STX7: variants seen among roughly 807,000 people sequenced by gnomAD.
STX7 encodes the protein syntaxin 7.
A neutral mutation model predicts 39.6 loss-of-function variants in STX7; 34 were observed. The observed-to-expected ratio is 0.86, with a 90% CI of 0.65 to 1.14. STX7 has a LOEUF of 1.14. Ranked by LOEUF, STX7 falls within the 50% of genes most tolerant of loss-of-function variation. The pLI, the probability that STX7 is intolerant of heterozygous loss-of-function variation, is 0.00. For synonymous variants in STX7, 119 were observed against 99.1 expected (o/e 1.20, Z -1.19); for missense variants, 284 against 310.4 (o/e 0.92, Z 0.64).
chr6:132,470,051 A>G lies in STX7; in HGVS notation c.441-4T>C. The G allele has an allele frequency of 6.3e-7, 1 of 1,576,022 alleles. No individual in the cohort carries two copies. The highest frequency in any genetic ancestry group is 8.6e-7 in the Non-Finnish European group (1 of 1,168,688). On this transcript the variant is annotated splice_polypyrimidine_tract_variant and splice_region_variant and intron_variant, in intron 6 of 9. Transcript: ENST00000367941. ...CTGCACTTGAGGTTGAGTTTGGCTA[A>G]CAGAAAAAAATGAATGTGGAAAAAA...
rs1774999877 is a variant in STX7 at position 132,480,883 on chromosome 6, T to C, written c.86-5221A>G. ...TCTTTTTCTTGCTCTGCAATGTATA[T>C]ATTTAGATATATTAACTGTTCGTCT... On this transcript the variant is annotated intron_variant, in intron 2 of 9. Coordinates refer to ENST00000367941, the MANE Select transcript of STX7 (RefSeq NM_003569.3). Among the ~76,000 whole-genome samples, 3 of 152,216 alleles carry C rather than the reference T, an allele frequency of 2.0e-5. No homozygotes were observed. The South Asian group carries it at 6.2e-4, about 32-fold the overall frequency.
At chr6:132,481,553 C>T (rs1775015825) in intron 2 of STX7, among the ~76,000 whole-genome samples, 1 of 135,756 alleles carries the variant, frequency 7.4e-6, no homozygotes, top group South Asian at 2.2e-4. Context: ...TGGCTAACAA[C>T]CTCCTTGTCA....
chr6:132,470,747 A>ATGTG (rs140681581), intron 5 of STX7, 121 bp from the exon 6 acceptor site: 6 of 583,060 alleles, frequency 1.0e-5, no homozygotes, highest in African/African-American at 9.6e-5. Context: ...GTCTGTGTGT[A>ATGTG]TGTGTGTGTG....
At chr6:132,472,577 C>T (rs1166240828) in intron 3 of STX7, among the ~76,000 whole-genome samples, 1 of 152,190 alleles carries the variant, frequency 6.6e-6, no homozygotes, top group African/African-American at 2.4e-5. Flanking sequence ...AGGTTCTTCA[C>T]TCACACAGGG....
chr6:132,461,270 C>T (rs752408643), intron 9 of STX7, among the ~76,000 whole-genome samples: 19 of 151,844 alleles, frequency 1.3e-4, no homozygotes, highest in Non-Finnish European at 2.2e-4. Flanking sequence ...CTGAAGATAT[C>T]AGTAAGTACA....
At chr6:132,493,002 T>C (rs1382918795) in intron 2 of STX7, among the ~76,000 whole-genome samples, 1 of 152,110 alleles carries the variant, frequency 6.6e-6, no homozygotes, top group African/African-American at 2.4e-5. Context: ...CTGTTGAAGG[T>C]TTCCATGCTC....
At chr6:132,497,683 C>A (rs1249551283) in intron 2 of STX7, among the ~76,000 whole-genome samples, 2 of 152,102 alleles carry the variant, frequency 1.3e-5, no homozygotes, top group African/African-American at 4.8e-5. Context: ...TGTGTTTGGG[C>A]AAGGATGAAT....
rs145451057 is a variant in STX7 at position 132,471,661 on chromosome 6, G to A, written c.250-61C>T. 7.4e-3 allele frequency: 11,701 copies of A among 1,585,730 alleles called. 101 individuals carry two copies. The highest frequency in any genetic ancestry group is 7.3e-3 in the Non-Finnish European group (8,521 of 1,167,196). On this transcript the variant is annotated intron_variant, in intron 4 of 9. Coordinates refer to ENST00000367941, the MANE Select transcript of STX7 (RefSeq NM_003569.3). ...AGCTGTGAAGTTCAACTGAATTTGC[G>A]GTAGTTGGCTCTTTATTTAACCCTG...
intron 1 of STX7, among the ~76,000 whole-genome samples, chr6:132,507,937 C>T (rs570860300): frequency 6.6e-6 from 1 of 152,306 alleles, no homozygotes; most frequent in South Asian, 2.1e-4. Context: ...GGCTTTCTCT[C>T]GTGTCTACAT....
Position 132,470,637 on chromosome 6 carries a change from T to C in STX7, c.388-11A>G. ...CTCAGGAAAACTGCCCTGAATAATT[T>C]AGTAACAGGATGGAATGAGAAGGGG... On this transcript the variant is annotated splice_polypyrimidine_tract_variant and intron_variant, in intron 5 of 9. Transcript: ENST00000367941. The C allele has an allele frequency of 6.2e-7, 1 of 1,604,622 alleles. No individual in the cohort carries two copies.
At chr6:132,483,052 C>A (rs1310209313) in intron 2 of STX7, among the ~76,000 whole-genome samples, 1 of 151,990 alleles carries the variant, frequency 6.6e-6, no homozygotes, top group Non-Finnish European at 1.5e-5. Context: ...TCTTTGTCCT[C>A]AGTTATTAAA....
chr6:132,501,598 A>C (rs1361572645), intron 2 of STX7, among the ~76,000 whole-genome samples: 1 of 151,962 alleles, frequency 6.6e-6, no homozygotes, highest in Non-Finnish European at 1.5e-5. Context: ...CACAATCTTC[A>C]ATCCATGTAT....
intron 4 of STX7, among the ~76,000 whole-genome samples, chr6:132,471,927 A>G (rs888927791): frequency 6.6e-6 from 1 of 152,212 alleles, no homozygotes; most frequent in Non-Finnish European, 1.5e-5. Context: ...CCATTAAATA[A>G]GCAGGGAAAT....
intron 2 of STX7, among the ~76,000 whole-genome samples, chr6:132,491,088 G>C (rs1336223764): frequency 6.6e-6 from 1 of 151,150 alleles, no homozygotes; most frequent in South Asian, 2.1e-4. Context: ...GGAATCTCCT[G>C]CCAGGAAAAT....
chr6:132,484,898 C>A (rs547068257), intron 2 of STX7, among the ~76,000 whole-genome samples: 1 of 152,120 alleles, frequency 6.6e-6, no homozygotes, highest in Non-Finnish European at 1.5e-5. Flanking sequence ...AAACTTTAAC[C>A]GAGAACAATA....
intron 2 of STX7, among the ~76,000 whole-genome samples, chr6:132,489,379 AC>A (rs1213808267): frequency 2.0e-5 from 3 of 152,262 alleles, no homozygotes; most frequent in Middle Eastern, 6.8e-3. Context: ...CATTAGAAAT[AC>A]CCATGTCTAT....
chr6:132,499,675 C>G (rs1191781040), intron 2 of STX7, among the ~76,000 whole-genome samples: 1 of 152,032 alleles, frequency 6.6e-6, no homozygotes, highest in Non-Finnish European at 1.5e-5. Flanking sequence ...TTCATGCTAC[C>G]TTCCTGATTT....
chr6:132,509,807 T>C (rs1014910272), intron 1 of STX7, among the ~76,000 whole-genome samples: 3 of 152,182 alleles, frequency 2.0e-5, no homozygotes, highest in Non-Finnish European at 4.4e-5. Flanking sequence ...GATAGGTAAC[T>C]ACAAATTGAT....
rs752794991 is a variant in STX7 at position 132,503,521 on chromosome 6, T to C, written c.10A>G (p.Thr4Ala). Reference sequence around the variant, plus strand: ...GCGGGGTCACCACCAACTCCTGGAGTGTAAGACATGGTTGATGTTCTTATT... The same window carrying C: ...GCGGGGTCACCACCAACTCCTGGAGCGTAAGACATGGTTGATGTTCTTATT... MSY[T>A]PGVGGDPAQL... is the part of the protein sequence containing the mutation. The change falls in exon 2 of 10, where the codon ACT becomes GCT. Residue 4 changes from threonine to alanine, a missense_variant. Transcript: ENST00000367941. The C allele has an allele frequency of 6.2e-7, 1 of 1,613,750 alleles. No homozygotes were observed. The highest frequency in any genetic ancestry group is 1.1e-5 in the South Asian group (1 of 91,046).
Sources: gnomAD v4.1 joint callset for allele counts (sites outside exome capture counted in the v4.1 genomes callset) on GRCh38, gnomAD v4.1.1 for gene constraint, MANE v1.5 for transcripts, NCBI Gene and HGNC (gene_info 2026-07-23, HGNC 2026-07-21) for gene names.